Variants in WWOX observed in about 807,000 individuals in gnomAD.
The protein encoded by WWOX is WW domain containing oxidoreductase, also known as WW domain-containing oxidoreductase.
In WWOX, 69 loss-of-function variants were observed where a neutral mutation model predicts 46.2. The observed-to-expected ratio is 1.49, with a 90% CI of 1.23 to 1.82. WWOX has a LOEUF of 1.82. Among genes scored for constraint, WWOX ranks in the 40% most tolerant of loss-of-function variants. The probability of loss-of-function intolerance (pLI) is 0.00; values close to 1 mark genes in which losing one functional copy is unlikely to be tolerated. For missense variants in WWOX, 919 were observed against 542.6 expected (o/e 1.69, Z -6.89); for synonymous variants, 359 against 202.6 (o/e 1.77, Z -6.56).
chr16:78,912,660 C>CA (rs1278467289), intron 8 of WWOX, among the ~76,000 whole-genome samples: 1 of 151,992 alleles, frequency 6.6e-6, no homozygotes, highest in Non-Finnish European at 1.5e-5. Context: ...CTTTAATTCT[C>CA]ATTTAAGTTC....
At chr16:78,315,397 C>T (rs183640325) in intron 5 of WWOX, among the ~76,000 whole-genome samples, 1 of 152,094 alleles carries the variant, frequency 6.6e-6, no homozygotes, top group Admixed American at 6.6e-5. Context: ...GCCTGTAATC[C>T]CAGCACTTGG....
chr16:78,738,741 A>C (rs1364292), intron 8 of WWOX, among the ~76,000 whole-genome samples: 1 of 151,920 alleles, frequency 6.6e-6, no homozygotes, highest in Non-Finnish European at 1.5e-5. Flanking sequence ...TGTGAATGCG[A>C]ACAGAGGCTG....
intron 8 of WWOX, among the ~76,000 whole-genome samples, chr16:78,609,575 C>T (rs1036831638): frequency 1.3e-5 from 2 of 151,092 alleles, no homozygotes; most frequent in Non-Finnish European, 2.9e-5. Flanking sequence ...CTCCTCATAC[C>T]CCTCCTAGGA....
At position 78,318,272 on chromosome 16, in the gene WWOX, A is replaced by ATT. The variant is rs34730954; in HGVS notation, c.517-68572_517-68571dup. 1.3e-3 allele frequency among the ~76,000 whole-genome samples: 159 copies of ATT among 123,550 alleles called. 9 individuals carry two copies. Among genetic ancestry groups the ATT allele is most frequent in the South Asian group, 4.2e-3 (16 of 3,776 alleles). The allele number at this position is 123,550 out of a possible 152,430, so 81.1% of individuals were successfully genotyped here. A position where few individuals can be genotyped will look rare whatever the true frequency, so the allele number is the denominator to read the frequency against. Reference sequence around the variant, plus strand: ...CTTAGGAGCCCTCCGTCTGGGAGGAATTTTTTTTTTTTTTTTTGGTATATC... The same window carrying ATT: ...CTTAGGAGCCCTCCGTCTGGGAGGAATTTTTTTTTTTTTTTTTTTGGTATATC... On this transcript the variant is annotated intron_variant, in intron 5 of 8. Coordinates refer to ENST00000566780, the MANE Select transcript of WWOX (RefSeq NM_016373.4).
At chr16:78,436,516 C>T (rs1315896735) in intron 8 of WWOX, among the ~76,000 whole-genome samples, 1 of 152,156 alleles carries the variant, frequency 6.6e-6, no homozygotes, top group Non-Finnish European at 1.5e-5. Context: ...CTAAAATCCT[C>T]TCTAGTGTAT....
chr16:78,322,385 A>G (rs2080503011), intron 5 of WWOX, among the ~76,000 whole-genome samples: 1 of 152,236 alleles, frequency 6.6e-6, no homozygotes, highest in South Asian at 2.1e-4. Context: ...GAAATAGTAT[A>G]TGATAATAAT....
At chr16:78,675,412 A>C (rs899915189) in intron 8 of WWOX, among the ~76,000 whole-genome samples, 2 of 152,240 alleles carry the variant, frequency 1.3e-5, no homozygotes, top group South Asian at 4.1e-4. Flanking sequence ...AGACTAAAGT[A>C]CTTTAAATAT....
intron 8 of WWOX, among the ~76,000 whole-genome samples, chr16:78,821,354 C>T (rs1484279305): frequency 6.6e-6 from 1 of 152,140 alleles, no homozygotes; most frequent in Non-Finnish European, 1.5e-5. Flanking sequence ...CAGCCCCCAC[C>T]CCACAACAGG....
At chr16:78,515,129 C>T (rs2085459086) in intron 8 of WWOX, among the ~76,000 whole-genome samples, 1 of 152,118 alleles carries the variant, frequency 6.6e-6, no homozygotes, top group Non-Finnish European at 1.5e-5. Context: ...GAGGCTGAGG[C>T]AGGAGAATCA....
chr16:78,533,596 C>G (rs575514991), intron 8 of WWOX, among the ~76,000 whole-genome samples: 16 of 152,122 alleles, frequency 1.1e-4, no homozygotes, highest in African/African-American at 3.6e-4. Flanking sequence ...GGAGAGATCA[C>G]AAGGTACAAC....
chr16:78,556,077 GATTC>G (rs983103876), intron 8 of WWOX, among the ~76,000 whole-genome samples: 1 of 152,028 alleles, frequency 6.6e-6, no homozygotes, highest in Admixed American at 6.5e-5. Flanking sequence ...ATTTCCTGAA[GATTC>G]ATTCATTGTT....
intron 5 of WWOX, among the ~76,000 whole-genome samples, chr16:78,308,207 G>C (rs1489077890): frequency 6.6e-6 from 1 of 152,200 alleles, no homozygotes; most frequent in Non-Finnish European, 1.5e-5. Context: ...ACCCAGAGCT[G>C]CAAGAGAGTC....
chr16:78,178,822 C>T (rs542335099), intron 5 of WWOX, among the ~76,000 whole-genome samples: 2 of 151,588 alleles, frequency 1.3e-5, no homozygotes, highest in South Asian at 4.2e-4. Flanking sequence ...CAAGGTGGTG[C>T]CACTGCATTC....
intron 5 of WWOX, among the ~76,000 whole-genome samples, chr16:78,218,533 T>C (rs969712037): frequency 2.0e-5 from 3 of 152,342 alleles, no homozygotes; most frequent in African/African-American, 7.2e-5. Context: ...GAAAATGCTT[T>C]TTAAAATTTA....
chr16:78,630,382 T>A (rs1172405040), intron 8 of WWOX, among the ~76,000 whole-genome samples: 2 of 152,126 alleles, frequency 1.3e-5, no homozygotes, highest in African/African-American at 4.8e-5. Context: ...AGACTGCTTG[T>A]ACCAAAAATA....
intron 8 of WWOX, among the ~76,000 whole-genome samples, chr16:79,164,963 C>A (rs890566761): frequency 4.6e-5 from 7 of 152,244 alleles, no homozygotes; most frequent in African/African-American, 1.7e-4. Flanking sequence ...CAGTACAACT[C>A]TCTAATTCAT....
chr16:78,956,279 G>C (rs1389305704), intron 8 of WWOX, among the ~76,000 whole-genome samples: 1 of 152,180 alleles, frequency 6.6e-6, no homozygotes, highest in Non-Finnish European at 1.5e-5. Context: ...CTGAGTAGCT[G>C]GGATTATAGG....
chr16:79,073,150 GTTATTATTA>G (rs58438039), intron 8 of WWOX, among the ~76,000 whole-genome samples: 44,659 of 142,970 alleles, frequency 0.31, 7,074 homozygotes, highest in Middle Eastern at 0.37. Flanking sequence ...GTAGTTATTC[GTTATTATTA>G]TTATTATTAT....
chr16:78,714,402 T>C (rs765635934), intron 8 of WWOX, among the ~76,000 whole-genome samples: 7 of 152,000 alleles, frequency 4.6e-5, no homozygotes, highest in African/African-American at 1.7e-4. Context: ...GTGAGACTTA[T>C]TCACTGTCAC....
Sources: allele counts gnomAD v4.1 joint callset (sites outside exome capture counted in the v4.1 genomes callset), GRCh38; gene constraint gnomAD v4.1.1; transcripts MANE v1.5; gene names NCBI Gene and HGNC (gene_info 2026-07-23, HGNC 2026-07-21).